Variants in MAP7D2 observed in about 807,000 individuals in gnomAD.
The protein encoded by MAP7D2 is MAP7 domain containing 2.
In MAP7D2, 33 loss-of-function variants were observed where a neutral mutation model predicts 63.5. The observed-to-expected ratio is 0.52, with a 90% CI of 0.39 to 0.70. MAP7D2 has a LOEUF of 0.70. Ranked by LOEUF, MAP7D2 falls within the 30% of genes least tolerant of loss-of-function variation. MAP7D2 has a pLI of 0.00. For synonymous variants in MAP7D2, 224 were observed against 223.7 expected (o/e 1.00, Z -0.01); for missense variants, 626 against 604.0 (o/e 1.04, Z -0.38).
chrX:20,038,633 C>T (rs1569518374), intron 8 of MAP7D2, among the ~76,000 whole-genome samples: 2 of 111,280 alleles, frequency 1.8e-5, no homozygotes, highest in Non-Finnish European at 3.8e-5. Context: ...CCCTAGTGAC[C>T]CATTAGCAAA....
At chrX:20,034,243 A>C (rs1056854273) in intron 8 of MAP7D2, among the ~76,000 whole-genome samples, 7 of 105,279 alleles carry the variant, frequency 6.6e-5, no homozygotes, top group Admixed American at 5.2e-4. Flanking sequence ...AAAAAAAAAA[A>C]AAAAAAAAAC....
chrX:20,030,687 G>A (rs1366163585), intron 8 of MAP7D2, among the ~76,000 whole-genome samples: 1 of 111,724 alleles, frequency 9.0e-6, no homozygotes, highest in African/African-American at 3.3e-5. Context: ...CTGCATGGGA[G>A]GGGTCTTGGC....
intron 1 of MAP7D2, among the ~76,000 whole-genome samples, chrX:20,084,242 G>T (rs2065850090): frequency 1.8e-5 from 2 of 108,289 alleles, no homozygotes; most frequent in Non-Finnish European, 3.8e-5. Context: ...AGTGAGTAGT[G>T]CCAAGGGTAA....
intron 1 of MAP7D2, among the ~76,000 whole-genome samples, chrX:20,067,124 C>A (rs1374021289): frequency 8.9e-6 from 1 of 112,571 alleles, no homozygotes; most frequent in Non-Finnish European, 1.9e-5. Flanking sequence ...GGCACCTACA[C>A]AAACTCACCC....
chrX:20,020,044 C>T (rs1201355131), intron 10 of MAP7D2, among the ~76,000 whole-genome samples: 1 of 112,197 alleles, frequency 8.9e-6, no homozygotes, highest in Non-Finnish European at 1.9e-5. Context: ...TCTCAATCTT[C>T]GTCATCTTCC....
intron 1 of MAP7D2, among the ~76,000 whole-genome samples, chrX:20,104,272 T>C (rs1603408231): frequency 8.9e-6 from 1 of 112,158 alleles, no homozygotes; most frequent in African/African-American, 3.2e-5. Context: ...AGTAAGAAAA[T>C]GGCAATTAAA....
intron 8 of MAP7D2, among the ~76,000 whole-genome samples, chrX:20,029,213 A>T (rs186036417): frequency 2.7e-5 from 3 of 112,272 alleles, no homozygotes; most frequent in Non-Finnish European, 5.6e-5. Flanking sequence ...CTTCCTGCAG[A>T]CATGACTCCG....
chrX:20,063,237 C>A (rs1247640801), intron 3 of MAP7D2, among the ~76,000 whole-genome samples, 177 bp downstream of exon 3: 4 of 112,131 alleles, frequency 3.6e-5, no homozygotes, highest in Non-Finnish European at 5.6e-5. Context: ...CTCTGCGGTT[C>A]TATGTCAGTG....
rs1426667356 is a variant in MAP7D2 at position 20,113,983 on chromosome X, T to C, written c.130+2767A>G. Among the ~76,000 whole-genome samples the C allele has an allele frequency of 7.2e-5, 8 of 111,737 alleles. No individual in the cohort carries two copies. The East Asian group carries it at 2.2e-3, about 31-fold the overall frequency. ...TTCCTACCTCCTTCCCACCCCCCAG[T>C]ACCCTTCGCAGTCTCCAATAACCAC... On this transcript the variant is annotated intron_variant, in intron 1 of 16. Coordinates refer to ENST00000379643, the MANE Select transcript of MAP7D2 (RefSeq NM_001168465.2).
intron 1 of MAP7D2, among the ~76,000 whole-genome samples, chrX:20,109,442 C>T (rs2066668440): frequency 9.5e-6 from 1 of 104,803 alleles, no homozygotes; most frequent in East Asian, 3.0e-4. Flanking sequence ...ATCGCTTGAA[C>T]CCAGGAGGCG....
At chrX:20,017,986 G>C (rs1030271994) in intron 10 of MAP7D2, among the ~76,000 whole-genome samples, 16 of 36,498 alleles carry the variant, frequency 4.4e-4, no homozygotes, top group African/African-American at 1.4e-3. Context: ...TTTTTTTTTT[G>C]ATGGCGTTTC....
intron 1 of MAP7D2, among the ~76,000 whole-genome samples, chrX:20,065,043 C>A (rs1229435476): frequency 9.0e-6 from 1 of 111,288 alleles, no homozygotes; most frequent in Non-Finnish European, 1.9e-5. Flanking sequence ...CAACATCAGC[C>A]CCAGAGGACA....
chrX:20,109,978 G>A (rs1374458266), intron 1 of MAP7D2, among the ~76,000 whole-genome samples: 1 of 110,082 alleles, frequency 9.1e-6, no homozygotes, highest in Non-Finnish European at 1.9e-5. Context: ...AGTGGTTGCA[G>A]TGAGCCGAGA....
At chrX:20,061,158 T>C (rs1603381480) in intron 3 of MAP7D2, among the ~76,000 whole-genome samples, 1 of 100,231 alleles carries the variant, frequency 1.0e-5, no homozygotes, top group East Asian at 3.1e-4. Flanking sequence ...AATCTGACAC[T>C]GAGAAGAGAA....
rs139884050 is a variant in MAP7D2, at chrX:20,030,625, G to A, written c.1008-4673C>T. 4.0e-3 allele frequency among the ~76,000 whole-genome samples: 441 copies of A among 111,570 alleles called. 2 individuals are homozygous for A. The highest frequency in any genetic ancestry group is 6.8e-3 in the Non-Finnish European group (362 of 53,124). ...CTCCAATCTTGGAATCTAGTTCCAT[G>A]TTCTCCAAAACCACTTGACTCCATG... On this transcript the variant is annotated intron_variant, in intron 8 of 16. Transcript: ENST00000379643.
At chrX:20,022,793 A>G (rs140420782) in intron 10 of MAP7D2, among the ~76,000 whole-genome samples, 2,715 of 112,331 alleles carry the variant, frequency 0.024, 93 homozygotes, top group African/African-American at 0.084. Flanking sequence ...CACTCAAACG[A>G]AAACTTATTG....
intron 8 of MAP7D2, among the ~76,000 whole-genome samples, chrX:20,033,714 T>G (rs757619836): frequency 1.8e-5 from 2 of 111,744 alleles, no homozygotes; most frequent in African/African-American, 6.5e-5. Context: ...GGTGAGTTCA[T>G]AGGGCTAATT....
chrX:20,106,301 G>A (rs749573768), intron 1 of MAP7D2, among the ~76,000 whole-genome samples: 44 of 111,994 alleles, frequency 3.9e-4, no homozygotes, highest in African/African-American at 1.4e-3. Flanking sequence ...CAGCCTTGGT[G>A]CACTCCCTTC....
At chrX:20,074,731 G>C (rs761930451) in intron 1 of MAP7D2, among the ~76,000 whole-genome samples, 16 of 111,546 alleles carry the variant, frequency 1.4e-4, no homozygotes, top group Non-Finnish European at 2.6e-4. Flanking sequence ...GGCACTCTGA[G>C]AACATCAACA....
Sources: gnomAD v4.1 joint callset for allele counts (sites outside exome capture counted in the v4.1 genomes callset) on GRCh38, gnomAD v4.1.1 for gene constraint, MANE v1.5 for transcripts, NCBI Gene and HGNC (gene_info 2026-07-23, HGNC 2026-07-21) for gene names.